SBNO2: variants seen among roughly 807,000 people sequenced by gnomAD.
The protein encoded by SBNO2 is protein strawberry notch homolog 2.
Under a neutral mutation model 146.3 loss-of-function variants are expected in SBNO2, and 89 were observed. The ratio of observed to expected loss-of-function variants is 0.61; its 90% CI spans 0.51 to 0.73. The LOEUF (loss-of-function observed/expected upper bound fraction) is 0.73. SBNO2 is among the 30% of genes least tolerant of loss of function. The pLI is 0.00. For missense variants in SBNO2, 2,092 were observed against 2,003.7 expected, an observed-to-expected ratio of 1.04 and a Z score of -0.84; for synonymous variants, 1,147 against 892.6, an observed-to-expected ratio of 1.29 and a Z score of -5.08.
chr19:1,136,998 G>A lies in SBNO2; in HGVS notation c.280-9233C>T, dbSNP rs974941853. ...GGGGCAGCACCTGGGGAATGGGGAT[G>A]GGCTGTGGGTGCCGAGAGCCCCAGG... On this transcript the variant is annotated intron_variant, in intron 4 of 31. Transcript: ENST00000361757. The surrounding 1 kb of genome is among the most constrained non-coding windows in gnomAD (Gnocchi z 4.2). Among the ~76,000 whole-genome samples the A allele has an allele frequency of 5.3e-5, 8 of 151,332 alleles. No individual in the cohort carries two copies. Among genetic ancestry groups the A allele is most frequent in the Non-Finnish European group, 1.0e-4 (7 of 67,886 alleles).
In SBNO2 at chr19:1,132,493, G is replaced by A. The variant is rs529182501; in HGVS notation, c.280-4728C>T. Among the ~76,000 whole-genome samples, 35 of 152,336 alleles carry A rather than the reference G, an allele frequency of 2.3e-4. No homozygotes were observed. In the South Asian group the frequency reaches 5.0e-3, roughly 22 times the overall value. ...CCCGGCGGACGTGCAGAATGCCCAG[G>A]TGGGCATGGGCCTCGGTCTCCCCAG... On this transcript the variant is annotated intron_variant, in intron 4 of 31. Transcript: ENST00000361757.
chr19:1,171,762 TG>T (rs1454814527), intron 1 of SBNO2, among the ~76,000 whole-genome samples: 1 of 145,506 alleles, frequency 6.9e-6, no homozygotes, highest in Non-Finnish European at 1.5e-5. Flanking sequence ...AGGCAGCAAG[TG>T]GGTGGGGGGT....
intron 13 of SBNO2, 142 bp downstream of exon 13, chr19:1,119,374 A>G: frequency 2.3e-6 from 2 of 854,970 alleles, no homozygotes. Flanking sequence ...GGGCAGCCCG[A>G]GGCAGTGAAA....
At chr19:1,166,840 C>T (rs984255315) in intron 1 of SBNO2, among the ~76,000 whole-genome samples, 2 of 152,218 alleles carry the variant, frequency 1.3e-5, no homozygotes, top group African/African-American at 4.8e-5. Context: ...CTGGCCCATC[C>T]CACACCTGCT....
chr19:1,131,942 G>C (rs2080033351), intron 4 of SBNO2: 2 of 499,744 alleles, frequency 4.0e-6, no homozygotes, highest in African/African-American at 2.0e-5. Context: ...GACGGGGCGG[G>C]GTGGGGATTT....
chr19:1,161,523 T>G (rs1599879293), intron 1 of SBNO2, among the ~76,000 whole-genome samples: 2 of 35,212 alleles, frequency 5.7e-5, no homozygotes, highest in Admixed American at 4.6e-4. Flanking sequence ...GGGGTGGGGG[T>G]GCCTGAGCAC....
At chr19:1,117,783 C>T (rs576644532) in intron 14 of SBNO2, among the ~76,000 whole-genome samples, 178 of 152,374 alleles carry the variant, frequency 1.2e-3, no homozygotes, top group African/African-American at 4.1e-3. Context: ...ACAGGGTGCT[C>T]GCAGCCACGC....
In SBNO2 at chr19:1,109,969, G is replaced by A. The variant is rs1268050618; in HGVS notation, c.3029-192C>T. 6.6e-6 allele frequency among the ~76,000 whole-genome samples: 1 copy of A among 151,950 alleles called. No individual in the cohort carries two copies. Among genetic ancestry groups the A allele is most frequent in the African/African-American group, 2.4e-5 (1 of 41,340 alleles). On this transcript the variant is annotated intron_variant, in intron 26 of 31. Coordinates refer to ENST00000361757, the MANE Select transcript of SBNO2 (RefSeq NM_014963.3). This position sits in a 1 kb window ranked among gnomAD's most constrained non-coding sequence, Gnocchi z 4.2. ...GGGCCCCAACCTGGCAACCGCTCAG[G>A]TCCTAGGTAACCCCGAGCAGGCTGT...
chr19:1,148,278 A>G (rs1386838020), intron 3 of SBNO2, among the ~76,000 whole-genome samples: 1 of 152,002 alleles, frequency 6.6e-6, no homozygotes, highest in African/African-American at 2.4e-5. Flanking sequence ...TGCAAACACC[A>G]GCAGGAAAGA....
At chr19:1,163,412 G>A (rs1296731563) in intron 1 of SBNO2, among the ~76,000 whole-genome samples, 4 of 152,194 alleles carry the variant, frequency 2.6e-5, no homozygotes, top group Admixed American at 2.6e-4. Flanking sequence ...TCAGCTTCCT[G>A]TGGCCTCCAG....
chr19:1,116,704 G>A (rs1287447891), intron 16 of SBNO2, 125 bp downstream of exon 16: 4 of 801,892 alleles, frequency 5.0e-6, no homozygotes, highest in Non-Finnish European at 7.6e-6. Context: ...TGGGGGCCCA[G>A]CAAAGCCCAC....
chr19:1,118,346 T>TA (rs545608703), intron 14 of SBNO2, among the ~76,000 whole-genome samples: 136 of 135,176 alleles, frequency 1.0e-3, no homozygotes, highest in Middle Eastern at 3.7e-3. Context: ...TCTCAAAAAA[T>TA]AAAAAAAAAA....
chr19:1,119,750 G>T, intron 12 of SBNO2, 129 bp from the exon 13 acceptor site: 2 of 984,578 alleles, frequency 2.0e-6, no homozygotes, highest in Middle Eastern at 2.2e-4. Flanking sequence ...AAGAGAGCCA[G>T]CGTGGCCTTG....
At chr19:1,152,406 C>T (rs371451790) in intron 2 of SBNO2, among the ~76,000 whole-genome samples, 1 of 152,156 alleles carries the variant, frequency 6.6e-6, no homozygotes, top group Non-Finnish European at 1.5e-5. Flanking sequence ...GGTGTGTTTC[C>T]GAGATAGAAT....
chr19:1,128,239 T>A (rs2079989550), intron 4 of SBNO2: 2 of 496,614 alleles, frequency 4.0e-6, no homozygotes, highest in East Asian at 1.2e-4. Context: ...GCAGCAATGC[T>A]GCAGGAACTC....
Position 1,114,401 on chromosome 19 carries a change from G to T in SBNO2, c.1907C>A (p.Ala636Asp). Residue 636 changes from alanine to aspartate, a missense_variant, in exon 18 of 32, where the codon GCC becomes GAC. Ala to Asp is a moderately radical substitution (Grantham distance 126). Transcript: ENST00000361757. ...KRKRRPRGRG[A>D]KAPRLACETA... is the part of the protein sequence containing the mutation. ...CTCGCACGCCAGCCGGGGGGCTTTG[G>T]CCCCGCGTCCCCGAGGTCGCCCTGC... 6.5e-7 allele frequency: 1 copy of T among 1,543,316 alleles called. No homozygotes were observed. Among genetic ancestry groups the T allele is most frequent in the Non-Finnish European group, 8.7e-7 (1 of 1,142,968 alleles).
rs2079962685 is a variant in SBNO2 at position 1,126,075 on chromosome 19, TGA to T, written c.441+1527_441+1528del. Among the ~76,000 whole-genome samples, 1 of 152,132 alleles carries T rather than the reference TGA, an allele frequency of 6.6e-6. No individual in the cohort carries two copies. The highest frequency in any genetic ancestry group is 1.9e-4 in the East Asian group (1 of 5,166). On this transcript the variant is annotated intron_variant, in intron 5 of 31. Transcript: ENST00000361757. The surrounding 1 kb of genome is among the most constrained non-coding windows in gnomAD (Gnocchi z 4.4). ...TTGAACTCCAACGTCCTGAGACGGG[TGA>T]GGTTTCCGCCCAAGCCTGCCTGAGC... is the stretch of plus-strand genomic sequence containing the variant.
chr19:1,166,617 GCACACACACACA>G (rs71932539), intron 1 of SBNO2, among the ~76,000 whole-genome samples: 20 of 136,270 alleles, frequency 1.5e-4, no homozygotes, highest in South Asian at 4.8e-4. Flanking sequence ...AACTGCACGC[GCACACACACACA>G]CACACACACA....
At chr19:1,171,652 T>C (rs1267330772) in intron 1 of SBNO2, among the ~76,000 whole-genome samples, 1 of 152,222 alleles carries the variant, frequency 6.6e-6, no homozygotes, top group Non-Finnish European at 1.5e-5. Flanking sequence ...CGTTTCCGCA[T>C]GGGCCCTGCC....
Sources: gnomAD v4.1 joint callset for allele counts (sites outside exome capture counted in the v4.1 genomes callset) on GRCh38, gnomAD v4.1.1 for gene constraint, Gnocchi (gnomAD v3.1) non-coding constraint, MANE v1.5 for transcripts, NCBI Gene and HGNC (gene_info 2026-07-23, HGNC 2026-07-21) for gene names.